CSNK1A1: variants seen among roughly 807,000 people sequenced by gnomAD.
CSNK1A1 encodes the protein casein kinase I isoform alpha.
In CSNK1A1, 7 loss-of-function variants were observed where a neutral mutation model predicts 46.1. The ratio of observed to expected loss-of-function variants is 0.15; its 90% CI spans 0.09 to 0.29. The LOEUF (loss-of-function observed/expected upper bound fraction) is 0.29, where lower values mean the gene tolerates loss of function less well. Among genes scored for constraint, CSNK1A1 ranks in the 10% least tolerant of loss-of-function variants. CSNK1A1 has a pLI of 1.00. For missense variants in CSNK1A1, 96 were observed against 417.1 expected (o/e 0.23, Z 6.71); for synonymous variants, 137 against 141.5 (o/e 0.97, Z 0.23).
chr5:149,515,408 T>G (rs1761368647), intron 4 of CSNK1A1, among the ~76,000 whole-genome samples: 1 of 152,240 alleles, frequency 6.6e-6, no homozygotes, highest in African/African-American at 2.4e-5. Flanking sequence ...TGGAGAGTTC[T>G]TTCCTCCCAC....
In CSNK1A1 at chr5:149,525,063, T is replaced by C. The variant is rs759499769; in HGVS notation, c.339A>G (p.Val113=). 5 of 1,612,878 alleles carry C rather than the reference T, an allele frequency of 3.1e-6. No homozygotes were observed. In the South Asian group the frequency reaches 4.4e-5, roughly 14 times the overall value. The change falls in exon 3 of 10, where the codon GTA becomes GTG. Residue 113 remains valine (V), a synonymous_variant. Transcript: ENST00000377843. The surrounding 1 kb of genome is among the most constrained non-coding windows in gnomAD (Gnocchi z 4.2). ...FCSRRFTMKT[V]LMLADQMISR... is the part of the protein sequence containing the mutation. ...CACATACCTGGTCAGCTAACATAAG[T>C]ACAGTTTTCATTGTGAACCTTCTTG...
At chr5:149,527,720 AC>A (rs1761765879) in intron 2 of CSNK1A1, among the ~76,000 whole-genome samples, 1 of 152,116 alleles carries the variant, frequency 6.6e-6, no homozygotes, top group South Asian at 2.1e-4. Flanking sequence ...GAGATCTGTC[AC>A]GAACCTACCA....
chr5:149,518,899 G>A (rs992438959), intron 4 of CSNK1A1, among the ~76,000 whole-genome samples: 3 of 152,016 alleles, frequency 2.0e-5, no homozygotes, highest in Admixed American at 6.6e-5. Flanking sequence ...GAATCACATG[G>A]TGATAATGGG....
At position 149,496,785 on chromosome 5, in the gene CSNK1A1, C is replaced by T. The variant is rs1760666373; in HGVS notation, c.*68G>A. 14 of 1,535,362 alleles carry T rather than the reference C, an allele frequency of 9.1e-6. No individual in the cohort carries two copies. Among genetic ancestry groups the T allele is most frequent in the Non-Finnish European group, 1.1e-5 (13 of 1,143,978 alleles). On this transcript the variant is annotated 3_prime_UTR_variant, in exon 10 of 10. Coordinates refer to ENST00000377843, the MANE Select transcript of CSNK1A1 (RefSeq NM_001892.6). ...CTAGTGTACATATGAACTAAAATTT[C>T]TAGATTTGGGGAGAAACAAATGCTG... is the stretch of plus-strand genomic sequence containing the variant.
intron 9 of CSNK1A1, among the ~76,000 whole-genome samples, chr5:149,500,200 C>G (rs1319659891): frequency 3.4e-5 from 5 of 148,610 alleles, no homozygotes; most frequent in Non-Finnish European, 7.4e-5. Context: ...TGCAGTGGCG[C>G]GATCTTGGCT....
chr5:149,505,618 TGTTA>T, intron 8 of CSNK1A1, 23 bp from the exon 9 acceptor site: 1 of 1,598,822 alleles, frequency 6.3e-7, no homozygotes, highest in African/African-American at 1.3e-5. Context: ...AAATATTTTA[TGTTA>T]ATCCTTTAAT....
intron 2 of CSNK1A1, among the ~76,000 whole-genome samples, chr5:149,532,204 A>C (rs1241684020): frequency 1.3e-5 from 2 of 152,108 alleles, no homozygotes; most frequent in Non-Finnish European, 2.9e-5. Flanking sequence ...TAATGCATTA[A>C]ATATAGGAGC....
At chr5:149,543,105 T>C (rs1272536787) in intron 2 of CSNK1A1, among the ~76,000 whole-genome samples, 1 of 152,156 alleles carries the variant, frequency 6.6e-6, no homozygotes, top group East Asian at 1.9e-4. Flanking sequence ...AGGTTACTTA[T>C]ATTTATGTAA....
intron 7 of CSNK1A1, among the ~76,000 whole-genome samples, chr5:149,508,777 ATAGAT>A (rs1215593509): frequency 1.3e-5 from 2 of 152,134 alleles, no homozygotes; most frequent in East Asian, 3.8e-4. Flanking sequence ...ACTTTTTCTT[ATAGAT>A]TAATGAGGTT....
chr5:149,536,565 GAAGA>G (rs982548960), intron 2 of CSNK1A1, among the ~76,000 whole-genome samples: 1 of 152,212 alleles, frequency 6.6e-6, no homozygotes, highest in Non-Finnish European at 1.5e-5. Context: ...AGCAAATACA[GAAGA>G]AAGGACACAA....
chr5:149,504,246 G>A (rs1760959565), intron 9 of CSNK1A1: 1 of 985,370 alleles, frequency 1.0e-6, no homozygotes, highest in Non-Finnish European at 1.2e-6. Flanking sequence ...ACAAAAACAT[G>A]GAATAGAAGC....
At chr5:149,500,537 A>T (rs1297174980) in intron 9 of CSNK1A1, among the ~76,000 whole-genome samples, 1 of 151,984 alleles carries the variant, frequency 6.6e-6, no homozygotes, top group Non-Finnish European at 1.5e-5. Context: ...TCAGCCTCCC[A>T]AAGTGCTGGG....
chr5:149,501,074 C>T (rs1760842363), intron 9 of CSNK1A1: 1 of 985,290 alleles, frequency 1.0e-6, no homozygotes, highest in African/African-American at 1.7e-5. Flanking sequence ...ACCACTGAGT[C>T]ATAGCAACGC....
rs1018284617 is a variant in CSNK1A1 at position 149,517,308 on chromosome 5, C to G, written c.456+2982G>C. Among the ~76,000 whole-genome samples the G allele has an allele frequency of 4.9e-5, 7 of 143,852 alleles. No homozygotes were observed. The highest frequency in any genetic ancestry group is 1.8e-4 in the African/African-American group (7 of 38,704). The allele number at this position is 143,852 out of a possible 152,430, so 94.4% of individuals were successfully genotyped here. ...AGACTGAGGAAATAAGTTCTAGAAA[C>G]ACTAGATCTGAAATCTGATCTACAC... On this transcript the variant is annotated intron_variant, in intron 4 of 9. Coordinates refer to ENST00000377843, the MANE Select transcript of CSNK1A1 (RefSeq NM_001892.6). This position sits in a 1 kb window ranked among gnomAD's most constrained non-coding sequence, Gnocchi z 4.4.
At chr5:149,500,702 T>C (rs10036211) in intron 9 of CSNK1A1, among the ~76,000 whole-genome samples, 2,880 of 152,124 alleles carry the variant, frequency 0.019, 102 homozygotes, top group African/African-American at 0.065. Flanking sequence ...GCTGGGATTA[T>C]AGGAGTGAGC....
In CSNK1A1 at chr5:149,550,987, T is replaced by C. The variant is rs757584485; in HGVS notation, c.-23A>G. 19 of 1,613,366 alleles carry C rather than the reference T, an allele frequency of 1.2e-5. No homozygotes were observed. The highest frequency in any genetic ancestry group is 1.5e-5 in the Non-Finnish European group (18 of 1,179,856). ...CATCCTGAGAGACGAAGATGGAGGC[T>C]GGGGCCAAGCCCCGACACCTCTGGG... is the stretch of plus-strand genomic sequence containing the variant. On this transcript the variant is annotated 5_prime_UTR_variant, in exon 1 of 10. Transcript: ENST00000377843. This position sits in a 1 kb window ranked among gnomAD's most constrained non-coding sequence, Gnocchi z 4.3.
chr5:149,504,509 T>C, intron 9 of CSNK1A1: 43 of 985,378 alleles, frequency 4.4e-5, no homozygotes, highest in Non-Finnish European at 5.2e-5. Flanking sequence ...TAAGCAGGTA[T>C]CAGGAGGTAA....
chr5:149,545,591 G>C (rs1762454523), intron 2 of CSNK1A1: 12 of 804,300 alleles, frequency 1.5e-5, no homozygotes, highest in South Asian at 1.5e-4. Context: ...ACACCCTTTG[G>C]GATCTTGGGC....
intron 9 of CSNK1A1, among the ~76,000 whole-genome samples, chr5:149,500,570 C>G (rs748295475): frequency 2.0e-5 from 3 of 152,114 alleles, no homozygotes; most frequent in Admixed American, 6.6e-5. Context: ...AGCCACCGCA[C>G]CCGGCCTTTT....
Sources: gnomAD v4.1 joint callset for allele counts (sites outside exome capture counted in the v4.1 genomes callset) on GRCh38, gnomAD v4.1.1 for gene constraint, Gnocchi (gnomAD v3.1) non-coding constraint, MANE v1.5 for transcripts, NCBI Gene and HGNC (gene_info 2026-07-23, HGNC 2026-07-21) for gene names.